ZNRF1: variants seen among roughly 807,000 people sequenced by gnomAD.
ZNRF1 encodes the protein E3 ubiquitin-protein ligase ZNRF1.
ZNRF1 carries 3 observed loss-of-function variants against 18.4 expected under a neutral mutation model. The observed-to-expected ratio is 0.16, with a 90% CI of 0.07 to 0.42. The LOEUF (loss-of-function observed/expected upper bound fraction) is 0.42, where lower values mean the gene tolerates loss of function less well. Among genes scored for constraint, ZNRF1 ranks in the 10% least tolerant of loss-of-function variants. ZNRF1 has a pLI of 0.99. For missense variants in ZNRF1, 310 were observed against 329.8 expected (o/e 0.94, Z 0.47); for synonymous variants, 157 against 144.2 (o/e 1.09, Z -0.64).
intron 1 of ZNRF1, among the ~76,000 whole-genome samples, chr16:75,027,034 T>G (rs1484174207): frequency 6.6e-6 from 1 of 152,228 alleles, no homozygotes; most frequent in Non-Finnish European, 1.5e-5. Flanking sequence ...GTGATTCCTG[T>G]TAACATTCCT....
intron 3 of ZNRF1, 143 bp downstream of exon 3, chr16:75,105,032 A>T: frequency 1.6e-6 from 1 of 631,218 alleles, no homozygotes; most frequent in Non-Finnish European, 2.8e-6. Flanking sequence ...AGAGGCCATC[A>T]GACAGGTGTC....
At chr16:75,033,445 T>G (rs1179241556) in intron 1 of ZNRF1, among the ~76,000 whole-genome samples, 1 of 148,540 alleles carries the variant, frequency 6.7e-6, no homozygotes. Flanking sequence ...TAGTTTTTTT[T>G]TTTTTTTTTT....
rs141679184 is a variant in ZNRF1 at position 75,004,370 on chromosome 16, T to C, written c.424+4275T>C. On this transcript the variant is annotated intron_variant, in intron 1 of 4. Coordinates refer to ENST00000335325, the MANE Select transcript of ZNRF1 (RefSeq NM_032268.5). ...TGGAGGCCTGGTCATTCTCTTTCGG[T>C]AGTTCTGTTTGTCTCAGAGTATGGA... is the stretch of plus-strand genomic sequence containing the variant. Among the ~76,000 whole-genome samples the C allele has an allele frequency of 4.6e-5, 7 of 152,242 alleles. No individual in the cohort carries two copies. The East Asian group carries it at 1.4e-3, about 29-fold the overall frequency.
At position 74,999,834 on chromosome 16, in the gene ZNRF1, G is replaced by A. The variant is rs2034814431; in HGVS notation, c.163G>A (p.Ala55Thr). 8 of 1,465,244 alleles carry A rather than the reference G, an allele frequency of 5.5e-6. No homozygotes were observed. Among genetic ancestry groups the A allele is most frequent in the Non-Finnish European group, 7.2e-6 (8 of 1,112,398 alleles). 90.8% of individuals were successfully genotyped at this position (1,465,244 alleles called of 1,614,324 possible). ...GLRSRSVSSV[A>T]GMGMDPSTAG... ...GCGCAGCCGCTCGGTCAGCTCGGTG[G>A]CAGGCATGGGCATGGACCCCAGCAC... Residue 55 changes from alanine to threonine, a missense_variant, in exon 1 of 5, where the codon GCA becomes ACA. Ala to Thr is a moderately conservative substitution (Grantham distance 58). Around this residue, in one of 2 missense-constraint regions of ZNRF1, gnomAD observed 293 missense variants for 291.2 expected, o/e 1.01. Coordinates refer to ENST00000335325, the MANE Select transcript of ZNRF1 (RefSeq NM_032268.5).
intron 1 of ZNRF1, chr16:75,084,584 C>T (rs895721826): frequency 6.6e-6 from 1 of 152,164 alleles, no homozygotes; most frequent in East Asian, 1.9e-4. Flanking sequence ...GAATGCAGCT[C>T]AAGCATCCTG....
intron 1 of ZNRF1, among the ~76,000 whole-genome samples, chr16:75,022,734 A>C (rs1019676490): frequency 1.3e-5 from 2 of 152,216 alleles, no homozygotes. Context: ...GAACATTTCC[A>C]TCATTGCAGA....
At chr16:75,019,041 C>A (rs1232862904) in intron 1 of ZNRF1, among the ~76,000 whole-genome samples, 1 of 152,108 alleles carries the variant, frequency 6.6e-6, no homozygotes, top group African/African-American at 2.4e-5. Flanking sequence ...TGGCGCGTGA[C>A]TGTAATCCCA....
intron 2 of ZNRF1, chr16:75,095,812 C>A (rs938253011): frequency 2.3e-5 from 32 of 1,416,472 alleles, no homozygotes; most frequent in African/African-American, 4.3e-5. Context: ...GTCCCCCTGT[C>A]CCCCTCTGTA....
intron 1 of ZNRF1, among the ~76,000 whole-genome samples, chr16:75,073,005 G>T (rs2035888817): frequency 6.6e-6 from 1 of 152,130 alleles, no homozygotes; most frequent in African/African-American, 2.4e-5. Context: ...AAATTGAGGG[G>T]CCAGGCAGGT....
intron 1 of ZNRF1, among the ~76,000 whole-genome samples, chr16:75,038,997 T>G (rs1238973497): frequency 6.6e-6 from 1 of 152,200 alleles, no homozygotes; most frequent in Non-Finnish European, 1.5e-5. Flanking sequence ...GTGTTTAATC[T>G]CTGTGTTAAG....
In ZNRF1 at chr16:75,009,533, T is replaced by C. The variant is rs74892480; in HGVS notation, c.424+9438T>C. Among the ~76,000 whole-genome samples the C allele has an allele frequency of 4.2e-3, 643 of 152,370 alleles. 32 individuals carry two copies. The East Asian group carries it at 0.1, about 25-fold the overall frequency. ...TTTTACTTTTCCATTCATCTGTTGC[T>C]GGACGCTTGGGTTGCTTCCATATTT... On this transcript the variant is annotated intron_variant, in intron 1 of 4. Coordinates refer to ENST00000335325, the MANE Select transcript of ZNRF1 (RefSeq NM_032268.5).
chr16:75,072,118 T>A (rs928013997), intron 1 of ZNRF1, among the ~76,000 whole-genome samples: 5 of 152,064 alleles, frequency 3.3e-5, no homozygotes, highest in East Asian at 1.9e-4. Flanking sequence ...TTTTTTTTTT[T>A]AATTATCAGA....
At chr16:75,089,403 C>A (rs565327172) in intron 1 of ZNRF1, among the ~76,000 whole-genome samples, 6 of 152,198 alleles carry the variant, frequency 3.9e-5, no homozygotes, top group African/African-American at 1.4e-4. Flanking sequence ...GCCACCGTGC[C>A]CAGCCCAGAG....
In ZNRF1 at chr16:75,066,094, A is replaced by G. The variant is rs541454614; in HGVS notation, c.425-27478A>G. Among the ~76,000 whole-genome samples the G allele has an allele frequency of 3.9e-5, 6 of 152,344 alleles. No individual in the cohort carries two copies. In the South Asian group the frequency reaches 1.2e-3, roughly 32 times the overall value. ...CCAAACTCGTTTCCCATTCAATTCC[A>G]GAAGTTCAAGGGTAGAGACAAGAGT... On this transcript the variant is annotated intron_variant, in intron 1 of 4. Coordinates refer to ENST00000335325, the MANE Select transcript of ZNRF1 (RefSeq NM_032268.5).
chr16:75,019,315 C>T (rs563908573), intron 1 of ZNRF1, among the ~76,000 whole-genome samples: 1 of 152,032 alleles, frequency 6.6e-6, no homozygotes, highest in East Asian at 1.9e-4. Flanking sequence ...GCTGAGAGTA[C>T]AGGTATGAGT....
chr16:75,056,226 C>A (rs1428480623), intron 1 of ZNRF1, among the ~76,000 whole-genome samples: 1 of 152,178 alleles, frequency 6.6e-6, no homozygotes. Flanking sequence ...GAAAGTTGAA[C>A]TGTAAAAGGA....
chr16:75,028,691 G>C (rs930667793), intron 1 of ZNRF1, among the ~76,000 whole-genome samples: 6 of 152,202 alleles, frequency 3.9e-5, no homozygotes, highest in Non-Finnish European at 8.8e-5. Flanking sequence ...ACTCCACTCA[G>C]GTGTTTGCCC....
At chr16:75,061,333 C>G (rs1448016381) in intron 1 of ZNRF1, among the ~76,000 whole-genome samples, 1 of 152,092 alleles carries the variant, frequency 6.6e-6, no homozygotes, top group Non-Finnish European at 1.5e-5. Flanking sequence ...TGGTAACCAT[C>G]CTTCTACCCT....
chr16:75,024,727 C>A (rs1896087859), intron 1 of ZNRF1, among the ~76,000 whole-genome samples: 1 of 151,056 alleles, frequency 6.6e-6, no homozygotes, highest in Admixed American at 6.6e-5. Context: ...TGTGCAGAAG[C>A]AGAAGACAAC....
Sources: gnomAD v4.1 joint callset for allele counts (sites outside exome capture counted in the v4.1 genomes callset) on GRCh38, gnomAD v4.1.1 for gene constraint, gnomAD v4.1.1 regional missense constraint, MANE v1.5 for transcripts, NCBI Gene and HGNC (gene_info 2026-07-23, HGNC 2026-07-21) for gene names.